YEATS2: variants seen among roughly 807,000 people sequenced by gnomAD.
YEATS2 encodes the protein YEATS domain-containing protein 2.
A neutral mutation model predicts 163.2 loss-of-function variants in YEATS2; 77 were observed. The observed-to-expected ratio is 0.47, with a 90% CI of 0.39 to 0.57. YEATS2 has a LOEUF of 0.57. Among genes scored for constraint, YEATS2 ranks in the 20% least tolerant of loss-of-function variants. The pLI is 0.00. For missense variants in YEATS2, 1,549 were observed against 1,729.8 expected, an observed-to-expected ratio of 0.90 and a Z score of 1.85; for synonymous variants, 631 against 645.1, an observed-to-expected ratio of 0.98 and a Z score of 0.33.
At chr3:183,710,676 C>T (rs1355470819) in intron 1 of YEATS2, among the ~76,000 whole-genome samples, 4 of 151,110 alleles carry the variant, frequency 2.6e-5, no homozygotes, top group African/African-American at 9.7e-5. Context: ...TCCAGTTTTA[C>T]ACCAAAAGTC....
intron 1 of YEATS2, among the ~76,000 whole-genome samples, chr3:183,700,993 T>C (rs1253709144): frequency 6.6e-6 from 1 of 151,946 alleles, no homozygotes; most frequent in East Asian, 1.9e-4. Context: ...TGTGCAACTT[T>C]GTGAATATAC....
chr3:183,780,115 A>G (rs1054362865), intron 19 of YEATS2, among the ~76,000 whole-genome samples: 1 of 151,748 alleles, frequency 6.6e-6, no homozygotes, highest in African/African-American at 2.4e-5. Context: ...AGAAACTTCC[A>G]CTTGTTGAGC....
chr3:183,727,412 G>C (rs1469385449), intron 6 of YEATS2, among the ~76,000 whole-genome samples: 1 of 152,106 alleles, frequency 6.6e-6, no homozygotes, highest in East Asian at 1.9e-4. Context: ...TTCCAGGCCT[G>C]GCTTTTTCTG....
At chr3:183,718,465 G>C in intron 3 of YEATS2, 35 bp from the exon 4 acceptor site, 1 of 1,550,560 alleles carries the variant, frequency 6.4e-7, no homozygotes, top group South Asian at 1.2e-5. Context: ...TATAATTGCC[G>C]TTTTTTAAAG....
At chr3:183,742,812 G>T (rs1260211567) in intron 8 of YEATS2, among the ~76,000 whole-genome samples, 1 of 152,218 alleles carries the variant, frequency 6.6e-6, no homozygotes, top group Admixed American at 6.5e-5. Context: ...AAGGAAGTCA[G>T]TCGAGGCAGC....
At chr3:183,728,653 C>T (rs375653626) in intron 6 of YEATS2, 37 bp from the exon 7 acceptor site, 26 of 1,491,432 alleles carry the variant, frequency 1.7e-5, no homozygotes, top group African/African-American at 1.1e-4. Context: ...TTTTGAAGGA[C>T]GAAAAGAATT....
chr3:183,702,209 C>T (rs1273345487), intron 1 of YEATS2, among the ~76,000 whole-genome samples: 1 of 152,164 alleles, frequency 6.6e-6, no homozygotes, highest in Non-Finnish European at 1.5e-5. Flanking sequence ...CTTTGGGAGG[C>T]CAAGGCGGGT....
intron 16 of YEATS2, 147 bp from the exon 17 acceptor site, chr3:183,773,486 T>G (rs972794679): frequency 3.3e-5 from 26 of 783,748 alleles, no homozygotes; most frequent in Non-Finnish European, 5.0e-5. Flanking sequence ...ATATCAGTCT[T>G]TAAAGCATTG....
chr3:183,807,727 A>G (rs1726362645), intron 28 of YEATS2: 5 of 296,392 alleles, frequency 1.7e-5, no homozygotes, highest in South Asian at 5.3e-5. Flanking sequence ...AGACCTTTCA[A>G]AGTGTTGATT....
chr3:183,749,911 G>A (rs996879170), intron 9 of YEATS2, among the ~76,000 whole-genome samples: 95 of 152,054 alleles, frequency 6.2e-4, no homozygotes, highest in Admixed American at 1.2e-3. Flanking sequence ...TCCACCTCCC[G>A]GGTTCACGCC....
chr3:183,733,208 GGAA>G (rs1717990256), intron 7 of YEATS2, among the ~76,000 whole-genome samples: 3 of 152,296 alleles, frequency 2.0e-5, no homozygotes, highest in Admixed American at 6.5e-5. Context: ...GGTTTTGTTT[GGAA>G]GTTTTTAATT....
intron 21 of YEATS2, among the ~76,000 whole-genome samples, chr3:183,792,835 T>A (rs190230058): frequency 1.4e-3 from 212 of 152,264 alleles, no homozygotes; most frequent in African/African-American, 4.9e-3. Flanking sequence ...ATAACTAATT[T>A]TAGGGCACAA....
chr3:183,745,383 C>T (rs1049164522), intron 8 of YEATS2, among the ~76,000 whole-genome samples: 3 of 152,150 alleles, frequency 2.0e-5, no homozygotes, highest in African/African-American at 4.8e-5. Flanking sequence ...TAGATTGTCT[C>T]GCACAAATCC....
chr3:183,718,353 A>G, intron 3 of YEATS2, 147 bp from the exon 4 acceptor site: 1 of 594,992 alleles, frequency 1.7e-6, no homozygotes. Flanking sequence ...TGGGTGGAAA[A>G]GGTCACTTTT....
chr3:183,764,767 A>G (rs552307335), intron 15 of YEATS2, among the ~76,000 whole-genome samples: 8 of 152,186 alleles, frequency 5.3e-5, no homozygotes, highest in African/African-American at 1.4e-4. Context: ...AGATCTTGCT[A>G]TTGCACTCCA....
At chr3:183,803,583 G>A (rs1042226131) in intron 26 of YEATS2, 10 of 553,382 alleles carry the variant, frequency 1.8e-5, no homozygotes, top group East Asian at 6.4e-5. Context: ...AAATGAACTC[G>A]AGTATTGAGT....
At chr3:183,731,128 A>G (rs1403161793) in intron 7 of YEATS2, among the ~76,000 whole-genome samples, 1 of 151,918 alleles carries the variant, frequency 6.6e-6, no homozygotes, top group Non-Finnish European at 1.5e-5. Flanking sequence ...GGTGAAACCC[A>G]TCTCTACTAA....
chr3:183,709,794 T>C (rs1301484070), intron 1 of YEATS2, among the ~76,000 whole-genome samples: 6 of 151,692 alleles, frequency 4.0e-5, no homozygotes, highest in South Asian at 2.1e-4. Context: ...TCTCCTGCCT[T>C]AGCCTCCGGA....
rs146253574 is a variant in YEATS2 at position 183,795,483 on chromosome 3, T to TTTAA, written c.3098-2440_3098-2439insTTAA. 4.7e-4 allele frequency among the ~76,000 whole-genome samples: 58 copies of TTTAA among 123,946 alleles called. 1 individual carries two copies. Among genetic ancestry groups the TTTAA allele is most frequent in the Non-Finnish European group, 7.3e-4 (43 of 59,242 alleles). 81.3% of individuals were successfully genotyped at this position (123,946 alleles called of 152,430 possible). A position where few individuals can be genotyped will look rare whatever the true frequency, so the allele number is the denominator to read the frequency against. ...TTTTTTTTTTTTTTTTTTTTTTTTTTAGAGACGGGGTCTTGCTTTGTTGCC... is the reference window on the plus strand; with the variant it reads ...TTTTTTTTTTTTTTTTTTTTTTTTTTTTAAAGAGACGGGGTCTTGCTTTGTTGCC... On this transcript the variant is annotated intron_variant, in intron 21 of 30. Coordinates refer to ENST00000305135, the MANE Select transcript of YEATS2 (RefSeq NM_018023.5).
Sources: allele counts gnomAD v4.1 joint callset (sites outside exome capture counted in the v4.1 genomes callset), GRCh38; gene constraint gnomAD v4.1.1; transcripts MANE v1.5; gene names NCBI Gene and HGNC (gene_info 2026-07-23, HGNC 2026-07-21).